PRELID2: variants seen among roughly 807,000 people sequenced by gnomAD.
PRELID2 encodes PRELI domain containing 2.
In PRELID2, 25 loss-of-function variants were observed where a neutral mutation model predicts 28.4. The ratio of observed to expected loss-of-function variants is 0.88; its 90% CI spans 0.64 to 1.23. PRELID2 has a LOEUF of 1.23. Among genes scored for constraint, PRELID2 ranks in the 50% most tolerant of loss-of-function variants. The pLI, the probability that PRELID2 is intolerant of heterozygous loss-of-function variation, is 0.00. For synonymous variants in PRELID2, 76 were observed against 71.6 expected, an observed-to-expected ratio of 1.06 and a Z score of -0.31; for missense variants, 201 against 214.4, an observed-to-expected ratio of 0.94 and a Z score of 0.39.
rs188272673 is a variant in PRELID2, at chr5:145,490,216, C to T, written n.71-16901G>A. On this transcript the variant is annotated intron_variant and non_coding_transcript_variant, in intron 1 of 2. Coordinates refer to the PRELID2 transcript ENST00000510259. ...CCTGGATCTTATTTCTTTCTTTGTG[C>T]GCTTATCTAGACTTTTTAAAATTTC... 1.2e-3 allele frequency among the ~76,000 whole-genome samples: 184 copies of T among 152,226 alleles called. 3 individuals are homozygous for T. The highest frequency in any genetic ancestry group is 0.012 in the Admixed American group (182 of 15,286).
At chr5:145,398,796 T>C in the PRELID2 span, among the ~76,000 whole-genome samples, 2 of 151,906 alleles carry the variant, frequency 1.3e-5, no homozygotes, top group Non-Finnish European at 2.9e-5. Context: ...AACATGTGAA[T>C]GTGATAGGGA....
chr5:145,364,417 T>C, the PRELID2 span, among the ~76,000 whole-genome samples: 29 of 152,052 alleles, frequency 1.9e-4, no homozygotes, highest in Non-Finnish European at 4.0e-4. Context: ...TTTGTTGAAT[T>C]AATGTACCTT....
intron 1 of PRELID2, among the ~76,000 whole-genome samples, chr5:145,495,339 G>A (rs1028094180): frequency 1.4e-4 from 22 of 152,184 alleles, no homozygotes; most frequent in African/African-American, 5.3e-4. Context: ...AGCATCAGCA[G>A]AATCTGCTAG....
At chr5:145,824,790 A>G (rs1002151117) in intron 1 of PRELID2, among the ~76,000 whole-genome samples, 2 of 152,102 alleles carry the variant, frequency 1.3e-5, no homozygotes, top group Non-Finnish European at 2.9e-5. Flanking sequence ...CAACCTCAAT[A>G]TCTCTTCATG....
the PRELID2 span, among the ~76,000 whole-genome samples, chr5:145,262,365 T>G: frequency 3.3e-5 from 5 of 152,010 alleles, no homozygotes; most frequent in African/African-American, 4.8e-5. Flanking sequence ...AAAAAGATCA[T>G]TGCCTCAGCA....
At chr5:145,476,614 C>T (rs1309606841) in intron 1 of PRELID2, among the ~76,000 whole-genome samples, 2 of 151,922 alleles carry the variant, frequency 1.3e-5, no homozygotes, top group Non-Finnish European at 2.9e-5. Flanking sequence ...CACTGCACTC[C>T]AGCCTGGGCA....
chr5:145,393,721 C>G, the PRELID2 span, among the ~76,000 whole-genome samples: 1 of 152,166 alleles, frequency 6.6e-6, no homozygotes, highest in African/African-American at 2.4e-5. Flanking sequence ...ATTTACACAT[C>G]AAGTTAGGTT....
At chr5:145,512,040 A>C (rs906192066) in intron 1 of PRELID2, among the ~76,000 whole-genome samples, 6 of 152,176 alleles carry the variant, frequency 3.9e-5, no homozygotes, top group Admixed American at 2.6e-4. Flanking sequence ...GAAAATGAGC[A>C]AGAAGAGGGA....
chr5:145,660,537 A>G (rs1375800766), intron 1 of PRELID2, among the ~76,000 whole-genome samples: 1 of 152,176 alleles, frequency 6.6e-6, no homozygotes, highest in Non-Finnish European at 1.5e-5. Flanking sequence ...CACTCACTCA[A>G]TGGCTCCAGC....
At chr5:145,326,452 A>G in the PRELID2 span, among the ~76,000 whole-genome samples, 3 of 152,336 alleles carry the variant, frequency 2.0e-5, no homozygotes, top group African/African-American at 4.8e-5. Flanking sequence ...ATAATTTTGA[A>G]GAAAAAGAAC....
At chr5:145,471,591 AT>A (rs879882385), downstream of PRELID2, among the ~76,000 whole-genome samples, 169 of 146,792 alleles carry the variant, frequency 1.2e-3, no homozygotes, top group African/African-American at 3.3e-3. Flanking sequence ...TAACACACAC[AT>A]TTTTTTTTTT....
the PRELID2 span, among the ~76,000 whole-genome samples, chr5:145,273,505 G>A: frequency 1.1e-4 from 17 of 152,006 alleles, no homozygotes; most frequent in Non-Finnish European, 5.9e-5. Flanking sequence ...GCACCCTAGG[G>A]AGGAAGGAAA....
chr5:145,312,907 T>G, the PRELID2 span, among the ~76,000 whole-genome samples: 2 of 152,126 alleles, frequency 1.3e-5, no homozygotes, highest in African/African-American at 4.8e-5. Context: ...ATGATAGTTC[T>G]ATTTTATTTT....
At chr5:145,286,269 A>C in the PRELID2 span, among the ~76,000 whole-genome samples, 5 of 152,184 alleles carry the variant, frequency 3.3e-5, no homozygotes, top group African/African-American at 1.2e-4. Context: ...CTGGGGTTCA[A>C]AACTAGGATG....
At chr5:145,567,671 C>T (rs546289248) in intron 1 of PRELID2, among the ~76,000 whole-genome samples, 2 of 152,178 alleles carry the variant, frequency 1.3e-5, no homozygotes, top group African/African-American at 4.8e-5. Context: ...AGCCACCAAG[C>T]CCAGCTGATC....
chr5:145,590,803 G>A (rs1409992877), intron 1 of PRELID2, among the ~76,000 whole-genome samples: 1 of 151,792 alleles, frequency 6.6e-6, no homozygotes, highest in Non-Finnish European at 1.5e-5. Context: ...GGAAAACTCT[G>A]GCCCCCAGAG....
the PRELID2 span, among the ~76,000 whole-genome samples, chr5:145,292,477 C>T: frequency 6.6e-6 from 1 of 152,084 alleles, no homozygotes; most frequent in Non-Finnish European, 1.5e-5. Context: ...AAAGCAAGCT[C>T]TAAGAGGATG....
chr5:145,467,860 CAA>C (rs1470602196), downstream of PRELID2, among the ~76,000 whole-genome samples: 2 of 149,584 alleles, frequency 1.3e-5, no homozygotes, highest in Admixed American at 1.3e-4. Flanking sequence ...TATTTATTTT[CAA>C]GTTTATTTTA....
chr5:145,724,982 A>G (rs1756102547), intron 1 of PRELID2, among the ~76,000 whole-genome samples: 1 of 151,774 alleles, frequency 6.6e-6, no homozygotes, highest in African/African-American at 2.4e-5. Flanking sequence ...GACCAAAATG[A>G]TCCTCCCACA....
Sources: gnomAD v4.1 joint callset for allele counts (sites outside exome capture counted in the v4.1 genomes callset) on GRCh38, gnomAD v4.1.1 for gene constraint, MANE v1.5 for transcripts, NCBI Gene and HGNC (gene_info 2026-07-23, HGNC 2026-07-21) for gene names.